The following PISD variants were observed in gnomAD, a reference collection of about 807,000 sequenced individuals.
The protein encoded by PISD is phosphatidylserine decarboxylase.
PISD carries 31 observed loss-of-function variants against 43.5 expected under a neutral mutation model. That is an observed-to-expected ratio of 0.71 (90% confidence interval 0.54 to 0.96). The LOEUF (loss-of-function observed/expected upper bound fraction) is 0.96, where lower values mean the gene tolerates loss of function less well. Ranked by LOEUF, PISD falls within the 40% of genes least tolerant of loss-of-function variation. The pLI is 0.00. For missense variants in PISD, 523 were observed against 548.4 expected (o/e 0.95, Z 0.46); for synonymous variants, 259 against 228.7 (o/e 1.13, Z -1.20).
At chr22:31,656,881 T>A (rs933898088) in intron 1 of PISD, among the ~76,000 whole-genome samples, 8 of 152,138 alleles carry the variant, frequency 5.3e-5, no homozygotes, top group Non-Finnish European at 1.2e-4. Flanking sequence ...CATTTAGTTC[T>A]CTGCTCAAAT....
At chr22:31,621,192 C>T in intron 5 of PISD, 50 bp from the exon 6 acceptor site, 2 of 1,613,402 alleles carry the variant, frequency 1.2e-6, no homozygotes, top group Non-Finnish European at 8.5e-7. Flanking sequence ...GAGCACCCAG[C>T]ACGGAGCCCG....
At chr22:31,623,683 C>A (rs1284514158) in intron 3 of PISD, 1 of 1,612,418 alleles carries the variant, frequency 6.2e-7, no homozygotes, top group Non-Finnish European at 8.5e-7. Context: ...TGCACACTTA[C>A]CCTGCTTACG....
In PISD at chr22:31,619,404, A is replaced by G. The variant is rs2072347838; in HGVS notation, c.*208T>C. On this transcript the variant is annotated 3_prime_UTR_variant, in exon 8 of 8. Transcript: ENST00000439502. ...TATTTGTAGGCAGAAGGAACGGGATAGGTTGAGGGGCATGATGGGGGCTCT... is the reference window on the plus strand; with the variant it reads ...TATTTGTAGGCAGAAGGAACGGGATGGGTTGAGGGGCATGATGGGGGCTCT... 4.5e-6 allele frequency: 3 copies of G among 662,018 alleles called. No homozygotes were observed. Among genetic ancestry groups the G allele is most frequent in the Non-Finnish European group, 5.5e-6 (2 of 361,088 alleles). The allele number at this position is 662,018 out of a possible 1,614,324, so 41.0% of individuals were successfully genotyped here.
intron 3 of PISD, chr22:31,632,440 C>G (rs2073243499): frequency 6.5e-6 from 1 of 153,686 alleles, no homozygotes; most frequent in African/African-American, 2.4e-5. Flanking sequence ...ACGGGAGGTC[C>G]TCAAATAGTG....
chr22:31,619,459 G>C lies in PISD; in HGVS notation c.*153C>G, dbSNP rs1258917030. 1.4e-6 allele frequency: 1 copy of C among 702,368 alleles called. No homozygotes were observed. The highest frequency in any genetic ancestry group is 1.5e-5 in the South Asian group (1 of 66,820). 43.5% of individuals were successfully genotyped at this position (702,368 alleles called of 1,614,324 possible). On this transcript the variant is annotated 3_prime_UTR_variant, in exon 8 of 8. Coordinates refer to ENST00000439502, the MANE Select transcript of PISD (RefSeq NM_001326411.2). ...ACCTCTTGTCTGCACCTCTGGAACA[G>C]GTGGTAGCCGAATCATTCAAGTCCT...
chr22:31,645,425 C>T (rs1244498985), intron 3 of PISD, among the ~76,000 whole-genome samples: 1 of 151,350 alleles, frequency 6.6e-6, no homozygotes, highest in Non-Finnish European at 1.5e-5. Flanking sequence ...AATAAATTGG[C>T]CGGGCGCAGT....
rs767933433 is a variant in PISD at position 31,662,158 on chromosome 22, C to A, written c.51G>T (p.Ala17=). The A allele has an allele frequency of 1.9e-6, 3 of 1,607,238 alleles. No homozygotes were observed. The highest frequency in any genetic ancestry group is 2.5e-6 in the Non-Finnish European group (3 of 1,179,740). The part of the protein sequence containing the change: ...HRCLGLLHGV[A]PWRSSLHPCE... Reference sequence around the variant, plus strand: ...CGCTGCTATACCTGCTCCGCCACGGCGCGACCCCGTGCAGTAATCCCAGAC... The same window carrying A: ...CGCTGCTATACCTGCTCCGCCACGGAGCGACCCCGTGCAGTAATCCCAGAC... The change falls in exon 1 of 8, where the codon GCG becomes GCT. Residue 17 remains alanine (A), a synonymous_variant. Transcript: ENST00000439502.
intron 3 of PISD, among the ~76,000 whole-genome samples, chr22:31,647,052 A>G (rs2073906212): frequency 1.3e-5 from 2 of 152,076 alleles, no homozygotes; most frequent in South Asian, 4.1e-4. Flanking sequence ...AAATCAAGTG[A>G]AGTCTGTATA....
At chr22:31,653,723 C>T (rs2074095285) in intron 1 of PISD, among the ~76,000 whole-genome samples, 1 of 152,222 alleles carries the variant, frequency 6.6e-6, no homozygotes, top group South Asian at 2.1e-4. Context: ...TGGCTCATGA[C>T]TGTAATTCCA....
intron 3 of PISD, among the ~76,000 whole-genome samples, chr22:31,637,126 AAT>A (rs1482761464): frequency 1.8e-5 from 2 of 108,764 alleles, no homozygotes; most frequent in African/African-American, 3.6e-5. Flanking sequence ...TACAAAAAAA[AAT>A]AATAATAAAT....
intron 1 of PISD, among the ~76,000 whole-genome samples, chr22:31,652,988 G>A (rs148153540): frequency 0.011 from 1,594 of 142,962 alleles, 8 homozygotes; most frequent in Middle Eastern, 0.034. Context: ...ACAGTGAGCC[G>A]AAAACACGCT....
In PISD at chr22:31,621,046, C is replaced by A. The variant is rs1303790409; in HGVS notation, c.794G>T (p.Cys265Phe). ...VIYLAPGDYH[C>F]FHSPTDWTVS... is the part of the protein sequence containing the mutation. ...AGTCCAGTCGGTGGGGGAGTGGAAG[C>A]AGTGGTAGTCCCCAGGGGCCAGGTA... Residue 265 changes from cysteine (C) to phenylalanine (F), a missense_variant, in exon 6 of 8, where the codon TGC (cysteine) becomes TTC (phenylalanine). Cys to Phe is a radical substitution (Grantham distance 205). Coordinates refer to ENST00000439502, the MANE Select transcript of PISD (RefSeq NM_001326411.2). 1 of 1,613,804 alleles carries A rather than the reference C, an allele frequency of 6.2e-7. No individual in the cohort carries two copies. Among genetic ancestry groups the A allele is most frequent in the Non-Finnish European group, 8.5e-7 (1 of 1,179,886 alleles).
intron 1 of PISD, among the ~76,000 whole-genome samples, chr22:31,656,273 G>A (rs1029832941): frequency 1.3e-5 from 2 of 152,074 alleles, no homozygotes; most frequent in Non-Finnish European, 2.9e-5. Context: ...GAACCCAGGA[G>A]GTGGAGGTTG....
intron 3 of PISD, among the ~76,000 whole-genome samples, chr22:31,637,161 A>AAT (rs2073505984): frequency 4.3e-5 from 1 of 23,310 alleles, no homozygotes; most frequent in African/African-American, 2.2e-4. Flanking sequence ...AAAAAAAAAA[A>AAT]AAAATATATA....
At position 31,629,501 on chromosome 22, in the gene PISD, G is replaced by A. The variant is rs564534290; in HGVS notation, c.322-7616C>T. On this transcript the variant is annotated intron_variant, in intron 3 of 7. Coordinates refer to ENST00000439502, the MANE Select transcript of PISD (RefSeq NM_001326411.2). Reference sequence around the variant, plus strand: ...CATGTGCGTAGGTGTGAGGGTGGGCGCATATAGGGGTGTGTATGTAGGTGC... The same window carrying A: ...CATGTGCGTAGGTGTGAGGGTGGGCACATATAGGGGTGTGTATGTAGGTGC... Among the ~76,000 whole-genome samples the A allele has an allele frequency of 7.3e-5, 11 of 150,520 alleles. No homozygotes were observed. The East Asian group carries it at 1.8e-3, about 24-fold the overall frequency.
Position 31,648,081 on chromosome 22 carries a change from C to T in PISD, c.321+20G>A. 1 of 1,599,528 alleles carries T rather than the reference C, an allele frequency of 6.3e-7. No individual in the cohort carries two copies. The highest frequency in any genetic ancestry group is 2.2e-5 in the East Asian group (1 of 44,712). Reference sequence around the variant, plus strand: ...AAGTTTGCTGGACGAGAACCCAAGGCAGTTCCACCTCATTCCTACCTCCCA... The same window carrying T: ...AAGTTTGCTGGACGAGAACCCAAGGTAGTTCCACCTCATTCCTACCTCCCA... On this transcript the variant is annotated intron_variant, in intron 3 of 7. Coordinates refer to ENST00000439502, the MANE Select transcript of PISD (RefSeq NM_001326411.2).
At chr22:31,647,260 C>T (rs1305145959) in intron 3 of PISD, among the ~76,000 whole-genome samples, 3 of 152,186 alleles carry the variant, frequency 2.0e-5, no homozygotes, top group East Asian at 1.9e-4. Flanking sequence ...CAGAAAGTGA[C>T]ATGTCCCAGT....
intron 1 of PISD, among the ~76,000 whole-genome samples, chr22:31,657,790 G>A (rs2074221495): frequency 6.6e-6 from 1 of 152,108 alleles, no homozygotes; most frequent in Admixed American, 6.6e-5. Context: ...AAAGTGCTGG[G>A]ATTACAGGCG....
rs1262306709 is a variant in PISD, at chr22:31,632,275, TC to T, written c.322-10391del. On this transcript the variant is annotated intron_variant, in intron 3 of 7. Transcript: ENST00000439502. ...CAGATAGGGTCCTCCTCCATGGATT[TC>T]CATGTTCTTCCATACCTACAATGCA... 3.1e-6 allele frequency: 3 copies of T among 981,628 alleles called. No homozygotes were observed. The African/African-American group carries it at 5.3e-5, about 17-fold the overall frequency. 60.8% of individuals were successfully genotyped at this position (981,628 alleles called of 1,614,324 possible).
Sources: gnomAD v4.1 joint callset for allele counts (sites outside exome capture counted in the v4.1 genomes callset) on GRCh38, gnomAD v4.1.1 for gene constraint, MANE v1.5 for transcripts, NCBI Gene and HGNC (gene_info 2026-07-23, HGNC 2026-07-21) for gene names.